HPSE2: variants seen among roughly 807,000 people sequenced by gnomAD.
The protein encoded by HPSE2 is inactive heparanase-2.
Under a neutral mutation model 60.5 loss-of-function variants are expected in HPSE2, and 38 were observed. The ratio of observed to expected loss-of-function variants is 0.63; its 90% CI spans 0.48 to 0.82. The LOEUF is 0.82. Ranked by LOEUF, HPSE2 falls within the 40% of genes least tolerant of loss-of-function variation. HPSE2 has a pLI of 0.00. For synonymous variants in HPSE2, 295 were observed against 293.2 expected, an observed-to-expected ratio of 1.01 and a Z score of -0.06; for missense variants, 713 against 740.4, an observed-to-expected ratio of 0.96 and a Z score of 0.43.
At chr10:99,238,461 A>G (rs1849904114), upstream of HPSE2, among the ~76,000 whole-genome samples, 1 of 152,232 alleles carries the variant, frequency 6.6e-6, no homozygotes, top group Non-Finnish European at 1.5e-5. Context: ...ATCAAAACCA[A>G]CAAAACAAAG....
chr10:98,643,457 T>G (rs1486276006), intron 6 of HPSE2, among the ~76,000 whole-genome samples: 1 of 152,202 alleles, frequency 6.6e-6, no homozygotes, highest in Non-Finnish European at 1.5e-5. Flanking sequence ...ATTTCTGTGC[T>G]GGGGGTACAT....
At position 98,941,069 on chromosome 10, in the gene HPSE2, G is replaced by C. The variant is rs1480957022; in HGVS notation, c.611-197013C>G. ...TAAAACTCTCAATAAATTAGGTATT[G>C]ATGGGACGTATCTCAAAAGAATAAG... On this transcript the variant is annotated intron_variant, in intron 3 of 11. Coordinates refer to ENST00000370552, the MANE Select transcript of HPSE2 (RefSeq NM_021828.5). Among the ~76,000 whole-genome samples, 5 of 140,938 alleles carry C rather than the reference G, an allele frequency of 3.5e-5. 1 individual carries two copies. The highest frequency in any genetic ancestry group is 1.4e-4 in the Admixed American group (2 of 14,162). 92.5% of individuals were successfully genotyped at this position (140,938 alleles called of 152,430 possible).
chr10:99,268,717 T>G, the HPSE2 span, among the ~76,000 whole-genome samples: 16 of 151,548 alleles, frequency 1.1e-4, no homozygotes, highest in Admixed American at 9.2e-4. Context: ...ATTGATTAAT[T>G]AATTAAATAA....
chr10:98,855,809 G>C (rs1462507460), intron 3 of HPSE2, among the ~76,000 whole-genome samples: 1 of 152,114 alleles, frequency 6.6e-6, no homozygotes, highest in Non-Finnish European at 1.5e-5. Context: ...ACAAATAGTG[G>C]CAATCTACCA....
rs1022404813 is a variant in HPSE2 at position 98,557,062 on chromosome 10, A to C, written c.1320+57842T>G. On this transcript the variant is annotated intron_variant, in intron 9 of 11. Transcript: ENST00000370552. ...CTGTCTCTACTAAAAATACAAAAAA[A>C]ATTAGCCGGGCATGGTGGTGGGCGC... Among the ~76,000 whole-genome samples the C allele has an allele frequency of 2.0e-5, 3 of 151,920 alleles. No individual in the cohort carries two copies. In the East Asian group the frequency reaches 5.8e-4, roughly 29 times the overall value.
At chr10:98,934,033 C>A (rs187360330) in intron 3 of HPSE2, among the ~76,000 whole-genome samples, 1 of 143,890 alleles carries the variant, frequency 6.9e-6, no homozygotes, top group Non-Finnish European at 1.5e-5. Flanking sequence ...AGCCTGGCAC[C>A]TTCTTCGTCT....
intron 5 of HPSE2, among the ~76,000 whole-genome samples, chr10:98,715,173 A>C (rs1486749872): frequency 1.3e-5 from 2 of 151,922 alleles, no homozygotes; most frequent in Admixed American, 1.3e-4. Flanking sequence ...TCGACACACA[A>C]AAGTTCTTAG....
At chr10:98,800,542 TA>T (rs1247305029) in intron 3 of HPSE2, among the ~76,000 whole-genome samples, 1 of 150,212 alleles carries the variant, frequency 6.7e-6, no homozygotes, top group Non-Finnish European at 1.5e-5. Flanking sequence ...AAAAAGGAGA[TA>T]TTACAACTGA....
At chr10:98,937,063 T>C (rs1954820687) in intron 3 of HPSE2, among the ~76,000 whole-genome samples, 2 of 131,676 alleles carry the variant, frequency 1.5e-5, no homozygotes, top group Non-Finnish European at 3.1e-5. Flanking sequence ...TCTACAACAA[T>C]ATACAATAAC....
the HPSE2 span, among the ~76,000 whole-genome samples, chr10:99,283,823 T>C: frequency 6.6e-6 from 1 of 152,142 alleles, no homozygotes; most frequent in East Asian, 1.9e-4. Flanking sequence ...AACATCTGAA[T>C]AGATCTAAAA....
At chr10:99,136,454 C>T (rs1043153994) in intron 3 of HPSE2, among the ~76,000 whole-genome samples, 47 of 152,156 alleles carry the variant, frequency 3.1e-4, no homozygotes, top group East Asian at 1.9e-4. Flanking sequence ...AAATTTCAGG[C>T]CAATATCCCT....
rs745873340 is a variant in HPSE2, at chr10:98,490,211, G to C, written c.1321-15C>G. On this transcript the variant is annotated splice_polypyrimidine_tract_variant and intron_variant, in intron 9 of 11. Transcript: ENST00000370552. ...AGCCAGTAGTCCTGAGGAGAATAGA[G>C]AGGGAGAGGGTCAGCGAGAGAACAC... is the stretch of plus-strand genomic sequence containing the variant. 27 of 1,613,888 alleles carry C rather than the reference G, an allele frequency of 1.7e-5. No homozygotes were observed. Among genetic ancestry groups the C allele is most frequent in the Non-Finnish European group, 2.2e-5 (26 of 1,179,954 alleles).
At chr10:99,218,125 C>G (rs2133923778) in intron 2 of HPSE2, among the ~76,000 whole-genome samples, 1 of 151,966 alleles carries the variant, frequency 6.6e-6, no homozygotes, top group South Asian at 2.1e-4. Flanking sequence ...AATGCAACAA[C>G]AGGGATAAAA....
At chr10:98,938,746 T>C (rs1476757397) in intron 3 of HPSE2, among the ~76,000 whole-genome samples, 3 of 143,052 alleles carry the variant, frequency 2.1e-5, no homozygotes, top group African/African-American at 8.6e-5. Context: ...GCCACAAAGA[T>C]ACTCCTCAAG....
At chr10:98,875,823 A>G (rs1194063103) in intron 3 of HPSE2, among the ~76,000 whole-genome samples, 1 of 152,008 alleles carries the variant, frequency 6.6e-6, no homozygotes. Context: ...TTATCTCTCA[A>G]AAACTTCACC....
intron 3 of HPSE2, among the ~76,000 whole-genome samples, chr10:99,108,107 T>G (rs1217926308): frequency 6.6e-6 from 1 of 152,198 alleles, no homozygotes; most frequent in Admixed American, 6.5e-5. Flanking sequence ...CCATGCCTCC[T>G]CTTTGAAAGA....
At chr10:98,697,079 C>T (rs1948243887) in intron 5 of HPSE2, among the ~76,000 whole-genome samples, 1 of 152,114 alleles carries the variant, frequency 6.6e-6, no homozygotes, top group Admixed American at 6.5e-5. Context: ...ACCCAAAAGG[C>T]CAGAGTGCCT....
chr10:99,215,462 C>T (rs1554921905), intron 2 of HPSE2, among the ~76,000 whole-genome samples: 5 of 151,992 alleles, frequency 3.3e-5, no homozygotes, highest in Admixed American at 1.3e-4. Context: ...GGCCTGTCGG[C>T]GGGGTAGGGG....
At chr10:98,544,839 C>T (rs1467564425) in intron 9 of HPSE2, among the ~76,000 whole-genome samples, 1 of 151,188 alleles carries the variant, frequency 6.6e-6, no homozygotes, top group Admixed American at 6.6e-5. Context: ...ACACAAAAAA[C>T]CCTCAAAAAA....
Sources: gnomAD v4.1 joint callset for allele counts (sites outside exome capture counted in the v4.1 genomes callset) on GRCh38, gnomAD v4.1.1 for gene constraint, MANE v1.5 for transcripts, NCBI Gene and HGNC (gene_info 2026-07-23, HGNC 2026-07-21) for gene names.